BUB1: variants seen among roughly 807,000 people sequenced by gnomAD.
The protein encoded by BUB1 is mitotic checkpoint serine/threonine-protein kinase BUB1.
BUB1 carries 84 observed loss-of-function variants against 135.2 expected under a neutral mutation model. The observed-to-expected ratio is 0.62, with a 90% CI of 0.52 to 0.74. The LOEUF (loss-of-function observed/expected upper bound fraction) is 0.74, where lower values mean the gene tolerates loss of function less well. BUB1 is among the 30% of genes least tolerant of loss of function. The pLI is 0.00. For missense variants in BUB1, 1,162 were observed against 1,288.3 expected, an observed-to-expected ratio of 0.90 and a Z score of 1.50; for synonymous variants, 403 against 434.4, an observed-to-expected ratio of 0.93 and a Z score of 0.90.
rs376481913 is a variant in BUB1, at chr2:110,650,635, G to A, written c.2114C>T (p.Ala705Val). 1.9e-6 allele frequency: 3 copies of A among 1,613,834 alleles called. No homozygotes were observed. The African/African-American group carries it at 4.0e-5, about 22-fold the overall frequency. Residue 705 changes from alanine (A) to valine (V), a missense_variant, in exon 18 of 25, where the codon GCT becomes GTT. By Grantham distance (64) the Ala-to-Val change is moderately conservative. Transcript: ENST00000302759. The stretch of plus-strand genomic sequence containing the variant: ...ATCTGGTGGATCTTCTGCAATGGCA[G>A]CGTCAGTGTCTGTGAGTCTGCAAGC... ...VEACRLTDTD[A>V]AIAEDPPDAI...
chr2:110,667,224 T>C (rs1413716305), intron 8 of BUB1, among the ~76,000 whole-genome samples: 1 of 152,182 alleles, frequency 6.6e-6, no homozygotes, highest in East Asian at 1.9e-4. Context: ...TAGTACTCTT[T>C]CAACTATGAG....
chr2:110,664,426 A>G (rs1040314936), intron 9 of BUB1, among the ~76,000 whole-genome samples: 20 of 152,204 alleles, frequency 1.3e-4, no homozygotes, highest in Admixed American at 9.8e-4. Flanking sequence ...ACAATGAAGG[A>G]GTGTCTTTAA....
intron 20 of BUB1, 59 bp downstream of exon 20, chr2:110,642,060 C>G (rs1258299556): frequency 1.5e-6 from 2 of 1,329,234 alleles, no homozygotes; most frequent in African/African-American, 3.0e-5. Context: ...AATTTCTTGG[C>G]AAACTCAAGT....
At chr2:110,643,148 G>A (rs1359065128) in intron 19 of BUB1, among the ~76,000 whole-genome samples, 1 of 152,110 alleles carries the variant, frequency 6.6e-6, no homozygotes, top group African/African-American at 2.4e-5. Flanking sequence ...AATCAACGAC[G>A]CTTCTGAGAT....
chr2:110,638,286 C>T (rs1689415548), intron 24 of BUB1, 127 bp from the exon 25 acceptor site: 2 of 589,604 alleles, frequency 3.4e-6, no homozygotes, highest in Non-Finnish European at 5.5e-6. Context: ...AAACACAATA[C>T]AATGCAGCAA....
In BUB1 at chr2:110,666,270, CT is replaced by C; in HGVS notation, c.949del (p.Arg317GlyfsTer13). On this transcript the variant is annotated frameshift_variant, in exon 9 of 25. Coordinates refer to ENST00000302759, the MANE Select transcript of BUB1 (RefSeq NM_004336.5). LOFTEE classifies it high-confidence loss of function. ...SHEDLPASQE[R>X]SEVNPARMGP... ...ATGAGGAGCACAACATACCTCGGAC[CT>C]TTCCTGGGAAGCGGGCAGATCCTCA... The C allele has an allele frequency of 7.0e-7, 1 of 1,424,700 alleles. No homozygotes were observed. Among genetic ancestry groups the C allele is most frequent in the Non-Finnish European group, 9.2e-7 (1 of 1,081,124 alleles). 88.3% of individuals were successfully genotyped at this position (1,424,700 alleles called of 1,614,324 possible). A position where few individuals can be genotyped will look rare whatever the true frequency, so the allele number is the denominator to read the frequency against.
At chr2:110,650,856 A>G (rs1488079146) in intron 17 of BUB1, 72 bp from the exon 18 acceptor site, 2 of 1,375,700 alleles carry the variant, frequency 1.5e-6, no homozygotes, top group Admixed American at 1.8e-5. Flanking sequence ...AGTCACATGA[A>G]ATTCCCTTCT....
chr2:110,667,460 T>C, intron 8 of BUB1, 61 bp downstream of exon 8: 1 of 1,475,324 alleles, frequency 6.8e-7, no homozygotes, highest in Non-Finnish European at 9.2e-7. Context: ...AAGTAATTAC[T>C]CAGAGATGAG....
intron 9 of BUB1, among the ~76,000 whole-genome samples, chr2:110,665,786 A>G (rs1335114333): frequency 1.3e-5 from 2 of 152,184 alleles, no homozygotes; most frequent in Admixed American, 1.3e-4. Flanking sequence ...ATATAATATG[A>G]AAGATTAAGC....
chr2:110,672,734 G>C lies in BUB1; in HGVS notation c.349C>G (p.His117Asp). 6.2e-7 allele frequency: 1 copy of C among 1,614,096 alleles called. No homozygotes were observed. Among genetic ancestry groups the C allele is most frequent in the Non-Finnish European group, 8.5e-7 (1 of 1,179,986 alleles). The change falls in exon 4 of 25, where the codon CAT (histidine) becomes GAT (aspartate). Residue 117 changes from histidine to aspartate, a missense_variant. Transcript: ENST00000302759. ...CCTCTCTGAAGGACAGCACTGGCAT[G>C]CTGCAGCTCTCCTTGGGCTTCCAGA... ...GHLEAQGELQ[H>D]ASAVLQRGIQ... is the part of the protein sequence containing the mutation.
rs1481438444 is a variant in BUB1, at chr2:110,658,700, G to C, written c.1319C>G (p.Thr440Arg). 1.9e-6 allele frequency: 3 copies of C among 1,614,078 alleles called. No individual in the cohort carries two copies. Among genetic ancestry groups the C allele is most frequent in the Non-Finnish European group, 1.7e-6 (2 of 1,180,038 alleles). Residue 440 changes from threonine to arginine, a missense_variant, in exon 12 of 25, where the codon ACA becomes AGA. Physicochemically the swap from Thr to Arg is moderately conservative, Grantham distance 71. Transcript: ENST00000302759. ...HKVANTSSFH[T>R]TPNTSLGMVQ... ...CATTCCCAGTGATGTGTTTGGAGTTGTGTGAAAAGAACTTGTGTTGGCAAC... is the reference window on the plus strand; with the variant it reads ...CATTCCCAGTGATGTGTTTGGAGTTCTGTGAAAAGAACTTGTGTTGGCAAC...
chr2:110,666,246 T>C lies in BUB1; in HGVS notation c.957+17A>G, dbSNP rs776356442. 8 of 1,351,390 alleles carry C rather than the reference T, an allele frequency of 5.9e-6. No individual in the cohort carries two copies. The South Asian group carries it at 1.0e-4, about 17-fold the overall frequency. The allele number at this position is 1,351,390 out of a possible 1,614,324, so 83.7% of individuals were successfully genotyped here. A position where few individuals can be genotyped will look rare whatever the true frequency, so the allele number is the denominator to read the frequency against. ...CTGCTGCTGGGCACAGGATGTGTCA[T>C]GAGGAGCACAACATACCTCGGACCT... On this transcript the variant is annotated intron_variant, in intron 9 of 24. Transcript: ENST00000302759.
At chr2:110,650,863 T>C (rs1689767495) in intron 17 of BUB1, 79 bp from the exon 18 acceptor site, 1 of 1,331,420 alleles carries the variant, frequency 7.5e-7, no homozygotes, top group Non-Finnish European at 1.1e-6. Flanking sequence ...TGAAATTCCC[T>C]TCTCATTCTA....
rs368052853 is a variant in BUB1, at chr2:110,667,785, G to C, written c.620+12C>G. The C allele has an allele frequency of 6.2e-7, 1 of 1,612,474 alleles. No individual in the cohort carries two copies. The highest frequency in any genetic ancestry group is 1.3e-5 in the African/African-American group (1 of 74,818). On this transcript the variant is annotated intron_variant, in intron 7 of 24. Transcript: ENST00000302759. ...GAAACTAATAATAGATTAATGCACTGATTATACTTGCATATTTGACTCTTT... is the reference window on the plus strand; with the variant it reads ...GAAACTAATAATAGATTAATGCACTCATTATACTTGCATATTTGACTCTTT...
intron 4 of BUB1, 101 bp from the exon 5 acceptor site, chr2:110,670,669 T>A: frequency 8.2e-7 from 1 of 1,226,844 alleles, no homozygotes; most frequent in Non-Finnish European, 1.2e-6. Context: ...TATAAGCTAG[T>A]AAAGTCTGAC....
Position 110,674,220 on chromosome 2 carries a change from T to C in BUB1, c.91A>G (p.Ile31Val). ...NDPLGEWERY[I>V]QWVEENFPEN... is the part of the protein sequence containing the mutation. ...GGAAAATTCTCTTCTACCCACTGTA[T>C]GTATCTAGAAAAATATGGATAATGT... is the stretch of plus-strand genomic sequence containing the variant. Residue 31 changes from isoleucine (I) to valine (V), a missense_variant, in exon 3 of 25, where the codon ATA (isoleucine) becomes GTA (valine). By Grantham distance (29) the Ile-to-Val change is conservative. Transcript: ENST00000302759. 1 of 1,609,762 alleles carries C rather than the reference T, an allele frequency of 6.2e-7. No homozygotes were observed. The highest frequency in any genetic ancestry group is 8.5e-7 in the Non-Finnish European group (1 of 1,176,408).
chr2:110,649,147 T>TCACA (rs34802999), intron 19 of BUB1, 87 bp downstream of exon 19: 26,512 of 1,134,372 alleles, frequency 0.023, 118 homozygotes, highest in Non-Finnish European at 0.025. Flanking sequence ...AATAGGAGAA[T>TCACA]CACACACACA....
chr2:110,674,417 CAA>C lies in BUB1; in HGVS notation c.27-54_27-53del, dbSNP rs760377557. On this transcript the variant is annotated intron_variant, in intron 1 of 24. Transcript: ENST00000302759. ...GGATATTAGGGATAATTTCTACAAG[CAA>C]AAGATATACTTCATTTTATATATAC... is the stretch of plus-strand genomic sequence containing the variant. 2.0e-6 allele frequency: 3 copies of C among 1,528,514 alleles called. No individual in the cohort carries two copies. The East Asian group carries it at 6.8e-5, about 34-fold the overall frequency. 94.7% of individuals were successfully genotyped at this position (1,528,514 alleles called of 1,614,324 possible). A position where few individuals can be genotyped will look rare whatever the true frequency, so the allele number is the denominator to read the frequency against.
intron 17 of BUB1, among the ~76,000 whole-genome samples, 192 bp from the exon 18 acceptor site, chr2:110,650,976 T>C (rs1689770115): frequency 6.6e-6 from 1 of 152,080 alleles, no homozygotes; most frequent in Non-Finnish European, 1.5e-5. Flanking sequence ...TGAACAGAAA[T>C]AATAAAATCA....
Sources: allele counts gnomAD v4.1 joint callset (sites outside exome capture counted in the v4.1 genomes callset), GRCh38; gene constraint gnomAD v4.1.1; transcripts MANE v1.5; gene names NCBI Gene and HGNC (gene_info 2026-07-23, HGNC 2026-07-21).